FAM124B: variants seen among roughly 807,000 people sequenced by gnomAD.
FAM124B encodes family with sequence similarity 124 member B, also known as protein FAM124B.
Under a neutral mutation model 19.7 loss-of-function variants are expected in FAM124B, and 18 were observed. The observed-to-expected ratio is 0.92, with a 90% CI of 0.63 to 1.36. FAM124B has a LOEUF of 1.36. Among genes scored for constraint, FAM124B ranks in the 40% most tolerant of loss-of-function variants. The probability of loss-of-function intolerance (pLI) is 0.00; values close to 1 mark genes in which losing one functional copy is unlikely to be tolerated. For missense variants in FAM124B, 540 were observed against 553.3 expected (o/e 0.98, Z 0.24); for synonymous variants, 223 against 225.2 (o/e 0.99, Z 0.09).
chr2:224,400,547 A>G, intron 1 of FAM124B: 1 of 682,218 alleles, frequency 1.5e-6, no homozygotes, highest in Non-Finnish European at 2.6e-6. Context: ...ACCATATCTA[A>G]ACATAAGTAT....
chr2:224,394,409 C>G (rs1689936506), intron 1 of FAM124B, among the ~76,000 whole-genome samples: 1 of 152,116 alleles, frequency 6.6e-6, no homozygotes, highest in African/African-American at 2.4e-5. Context: ...CTTCACCCTC[C>G]ATGTCCAATT....
At chr2:224,397,146 G>C (rs576598383) in intron 1 of FAM124B, among the ~76,000 whole-genome samples, 1 of 152,168 alleles carries the variant, frequency 6.6e-6, no homozygotes, top group Non-Finnish European at 1.5e-5. Context: ...CCCATGTGTC[G>C]TGGGAGGAAC....
chr2:224,392,877 C>T (rs936558303), intron 1 of FAM124B, among the ~76,000 whole-genome samples: 1 of 152,134 alleles, frequency 6.6e-6, no homozygotes, highest in African/African-American at 2.4e-5. Context: ...CCAGGGCAGT[C>T]CAATACAGCA....
intron 1 of FAM124B, among the ~76,000 whole-genome samples, chr2:224,393,047 G>T (rs561819956): frequency 6.6e-6 from 1 of 152,330 alleles, no homozygotes; most frequent in East Asian, 1.9e-4. Context: ...CATCATCACA[G>T]AAAGTCCTAG....
chr2:224,390,196 A>G (rs185856431), intron 1 of FAM124B, among the ~76,000 whole-genome samples: 114 of 151,820 alleles, frequency 7.5e-4, no homozygotes, highest in Non-Finnish European at 1.4e-3. Context: ...CCCCTTAATT[A>G]AAAGAACTGG....
Position 224,401,868 on chromosome 2 carries a change from G to T in FAM124B, c.-100C>A. On this transcript the variant is annotated 5_prime_UTR_variant, in exon 1 of 2. Coordinates refer to ENST00000409685, the MANE Select transcript of FAM124B (RefSeq NM_001122779.2). ...AAGCGGCCCAGCCTTCAGCCCGCCT[G>T]AAAACCTTCAGCTGCAGCGGCTACT... The T allele has an allele frequency of 1.4e-6, 2 of 1,405,824 alleles. No individual in the cohort carries two copies. The highest frequency in any genetic ancestry group is 1.9e-6 in the Non-Finnish European group (2 of 1,040,254). The allele number at this position is 1,405,824 out of a possible 1,614,324, so 87.1% of individuals were successfully genotyped here. A position where few individuals can be genotyped will look rare whatever the true frequency, so the allele number is the denominator to read the frequency against.
chr2:224,384,716 A>G (rs948857485), intron 1 of FAM124B, among the ~76,000 whole-genome samples: 6 of 152,176 alleles, frequency 3.9e-5, no homozygotes. Flanking sequence ...TTATCAAGGA[A>G]GCAGATGCTG....
At chr2:224,398,538 T>A (rs1440883298) in intron 1 of FAM124B, among the ~76,000 whole-genome samples, 8 of 152,206 alleles carry the variant, frequency 5.3e-5, no homozygotes, top group Admixed American at 5.2e-4. Context: ...AGCAGAATTT[T>A]CCAGAAGGCG....
chr2:224,385,187 CT>C (rs1352237177), intron 1 of FAM124B, among the ~76,000 whole-genome samples: 1 of 152,182 alleles, frequency 6.6e-6, no homozygotes, highest in Non-Finnish European at 1.5e-5. Context: ...TTACACCACG[CT>C]GGTAATTCCC....
chr2:224,390,534 G>A (rs1220054901), intron 1 of FAM124B, among the ~76,000 whole-genome samples: 5 of 151,902 alleles, frequency 3.3e-5, no homozygotes, highest in Non-Finnish European at 5.9e-5. Flanking sequence ...TGAAAATGCC[G>A]TGAGCTCATC....
At chr2:224,390,823 C>T (rs1689875027) in intron 1 of FAM124B, among the ~76,000 whole-genome samples, 1 of 151,608 alleles carries the variant, frequency 6.6e-6, no homozygotes, top group African/African-American at 2.4e-5. Flanking sequence ...GCCTCAGCCT[C>T]CCGAGTAGCT....
intron 1 of FAM124B, among the ~76,000 whole-genome samples, chr2:224,396,567 T>C (rs1224655753): frequency 6.6e-6 from 1 of 152,212 alleles, no homozygotes; most frequent in Non-Finnish European, 1.5e-5. Context: ...CATCAGCCAT[T>C]TGGGACCACT....
intron 1 of FAM124B, among the ~76,000 whole-genome samples, chr2:224,386,768 C>G (rs567363716): frequency 2.6e-5 from 4 of 152,202 alleles, no homozygotes; most frequent in Non-Finnish European, 5.9e-5. Flanking sequence ...TAAGTAATCA[C>G]TAAATATCTG....
rs545455930 is a variant in FAM124B, at chr2:224,395,782, T to C, written c.732+5255A>G. On this transcript the variant is annotated intron_variant, in intron 1 of 1. Transcript: ENST00000409685. ...AGACTCTGAGAGGCATCAGACTGTC[T>C]GCAATGGCAAGAGGTCATGTGGAAA... 1.3e-4 allele frequency among the ~76,000 whole-genome samples: 20 copies of C among 152,342 alleles called. No homozygotes were observed. The East Asian group carries it at 3.9e-3, about 29-fold the overall frequency.
intron 1 of FAM124B, among the ~76,000 whole-genome samples, chr2:224,397,338 T>G (rs1375835642): frequency 1.3e-5 from 2 of 152,206 alleles, no homozygotes; most frequent in Middle Eastern, 3.2e-3. Context: ...CGCCATGATT[T>G]TGAGGCCTCC....
At chr2:224,384,868 A>G (rs1183929739) in intron 1 of FAM124B, among the ~76,000 whole-genome samples, 3 of 151,376 alleles carry the variant, frequency 2.0e-5, no homozygotes, top group African/African-American at 7.3e-5. Flanking sequence ...TCAATTATTC[A>G]TTTTTCCCAC....
intron 1 of FAM124B, among the ~76,000 whole-genome samples, chr2:224,395,990 T>C (rs1689963517): frequency 6.6e-6 from 1 of 152,246 alleles, no homozygotes; most frequent in Non-Finnish European, 1.5e-5. Context: ...ATAGGACTCA[T>C]CAGTGACTGC....
intron 1 of FAM124B, among the ~76,000 whole-genome samples, chr2:224,382,059 A>C (rs1689728618): frequency 6.6e-6 from 1 of 152,166 alleles, no homozygotes; most frequent in African/African-American, 2.4e-5. Context: ...TGAGGTGCAT[A>C]TTACCAAGCT....
In FAM124B at chr2:224,380,151, G is replaced by T; in HGVS notation, c.790C>A (p.Pro264Thr). ...KNGILGAGML[P>T]LGSRLTSVSA... ...ACAGAAGTCAGCCTGGAGCCCAGGG[G>T]AAGCATGCCAGCTCCCAAGATGCCA... The change falls in exon 2 of 2, where the codon CCC becomes ACC. Residue 264 changes from proline (P) to threonine (T), a missense_variant. Pro to Thr is a conservative substitution (Grantham distance 38, BLOSUM62 -1). Coordinates refer to ENST00000409685, the MANE Select transcript of FAM124B (RefSeq NM_001122779.2). 1.3e-6 allele frequency: 2 copies of T among 1,551,580 alleles called. No individual in the cohort carries two copies. Among genetic ancestry groups the T allele is most frequent in the Non-Finnish European group, 1.7e-6 (2 of 1,146,908 alleles).
Sources: gnomAD v4.1 joint callset for allele counts (sites outside exome capture counted in the v4.1 genomes callset) on GRCh38, gnomAD v4.1.1 for gene constraint, MANE v1.5 for transcripts, NCBI Gene and HGNC (gene_info 2026-07-23, HGNC 2026-07-21) for gene names.